C7orf78: variants seen among roughly 807,000 people sequenced by gnomAD.
C7orf78 encodes the protein chromosome 7 open reading frame 78.
chr7:12,529,339 A>G, the C7orf78 span, among the ~76,000 whole-genome samples: 8 of 152,280 alleles, frequency 5.3e-5, no homozygotes, highest in African/African-American at 1.9e-4. Context: ...CTGTTCTTTT[A>G]CTTTCTAATA....
chr7:12,516,618 G>A, the C7orf78 span, among the ~76,000 whole-genome samples: 1 of 152,234 alleles, frequency 6.6e-6, no homozygotes, highest in Non-Finnish European at 1.5e-5. Flanking sequence ...GCCCGTGAAA[G>A]CAGCTGGGAG....
At chr7:12,507,788 T>G in the C7orf78 span, among the ~76,000 whole-genome samples, 5 of 152,188 alleles carry the variant, frequency 3.3e-5, no homozygotes, top group African/African-American at 7.2e-5. Flanking sequence ...GTATGTTATG[T>G]GTAATTGCTA....
At chr7:12,529,031 C>T in the C7orf78 span, 2 of 398,386 alleles carry the variant, frequency 5.0e-6, no homozygotes, top group South Asian at 1.3e-4. Context: ...CCTGTTAGAT[C>T]TGCTTCATAT....
At chr7:12,503,037 A>T in the C7orf78 span, among the ~76,000 whole-genome samples, 4 of 140,346 alleles carry the variant, frequency 2.9e-5, 1 homozygote, top group African/African-American at 1.1e-4. Flanking sequence ...GAACAATGAG[A>T]TCACATGGAC....
the C7orf78 span, among the ~76,000 whole-genome samples, chr7:12,489,345 T>G: frequency 2.0e-5 from 3 of 152,142 alleles, no homozygotes; most frequent in African/African-American, 4.8e-5. Flanking sequence ...TGAAACACAT[T>G]CATAATAAAA....
chr7:12,541,091 C>G, the C7orf78 span: 1 of 152,176 alleles, frequency 6.6e-6, no homozygotes, highest in South Asian at 2.1e-4. Flanking sequence ...ATGAAAGTTG[C>G]ATAATTTGAA....
chr7:12,509,399 G>A, the C7orf78 span, among the ~76,000 whole-genome samples: 1 of 152,144 alleles, frequency 6.6e-6, no homozygotes, highest in Non-Finnish European at 1.5e-5. Flanking sequence ...ACCTGTGTAT[G>A]TACTGGTCAT....
At chr7:12,484,030 T>G in the C7orf78 span, 1 of 152,182 alleles carries the variant, frequency 6.6e-6, no homozygotes, top group Non-Finnish European at 1.5e-5. Context: ...AGGTCGATCT[T>G]ATGTTGGAAT....
chr7:12,520,044 T>C, the C7orf78 span, among the ~76,000 whole-genome samples: 1 of 152,202 alleles, frequency 6.6e-6, no homozygotes, highest in Non-Finnish European at 1.5e-5. Context: ...ACAGGAGCTC[T>C]CCAATGGTTG....
chr7:12,541,734 G>A, the C7orf78 span: 2 of 151,928 alleles, frequency 1.3e-5, no homozygotes, highest in Admixed American at 6.5e-5. Flanking sequence ...AGGTGGCATA[G>A]GTTGAAATAA....
At chr7:12,534,932 G>C in the C7orf78 span, among the ~76,000 whole-genome samples, 5 of 149,796 alleles carry the variant, frequency 3.3e-5, no homozygotes, top group Admixed American at 6.7e-5. Flanking sequence ...GGGGGACAGA[G>C]CAAGACCCTG....
the C7orf78 span, among the ~76,000 whole-genome samples, chr7:12,519,282 A>T: frequency 3.3e-5 from 5 of 152,168 alleles, no homozygotes; most frequent in Non-Finnish European, 7.4e-5. Context: ...CCACACTGCT[A>T]ATGGGGACAT....
chr7:12,491,563 T>C, the C7orf78 span: 1 of 152,070 alleles, frequency 6.6e-6, no homozygotes, highest in East Asian at 1.9e-4. Flanking sequence ...ACGCTAAAAA[T>C]GTGGAAGAGG....
At chr7:12,527,764 C>T in the C7orf78 span, among the ~76,000 whole-genome samples, 2 of 122,632 alleles carry the variant, frequency 1.6e-5, no homozygotes, top group African/African-American at 6.1e-5. Flanking sequence ...CACTCACTTT[C>T]GTAGAAAATG....
chr7:12,524,672 G>A, the C7orf78 span, among the ~76,000 whole-genome samples: 289 of 151,980 alleles, frequency 1.9e-3, 3 homozygotes, highest in African/African-American at 6.3e-3. Context: ...GTGAAACCCC[G>A]TCTTTACTAA....
the C7orf78 span, among the ~76,000 whole-genome samples, chr7:12,503,406 TG>T: frequency 6.6e-6 from 1 of 152,068 alleles, no homozygotes; most frequent in South Asian, 2.1e-4. Flanking sequence ...TCTTATCTTT[TG>T]GGGGTAACAT....
the C7orf78 span, among the ~76,000 whole-genome samples, chr7:12,499,190 C>A: frequency 0.16 from 23,815 of 151,478 alleles, 2,172 homozygotes; most frequent in South Asian, 0.23. Context: ...CGAGCAAAAT[C>A]ACCAGCTAAC....
chr7:12,486,234 A>G, the C7orf78 span, among the ~76,000 whole-genome samples: 1 of 152,082 alleles, frequency 6.6e-6, no homozygotes, highest in African/African-American at 2.4e-5. Flanking sequence ...GTTATGGTGT[A>G]ATAGAACTCC....
At chr7:12,524,142 G>T in the C7orf78 span, among the ~76,000 whole-genome samples, 1 of 152,274 alleles carries the variant, frequency 6.6e-6, no homozygotes, top group East Asian at 1.9e-4. Flanking sequence ...TGGCTTCTAA[G>T]ATCAGAGTAT....
Sources: gnomAD v4.1 joint callset for allele counts (sites outside exome capture counted in the v4.1 genomes callset) on GRCh38, gnomAD v4.1.1 for gene constraint, MANE v1.5 for transcripts, NCBI Gene and HGNC (gene_info 2026-07-23, HGNC 2026-07-21) for gene names.